The following KAZN variants were observed in gnomAD, a reference collection of about 807,000 sequenced individuals.
KAZN encodes kazrin, periplakin interacting protein, also known as kazrin.
Under a neutral mutation model 87.4 loss-of-function variants are expected in KAZN, and 40 were observed. The observed-to-expected ratio is 0.46, with a 90% confidence interval of 0.36 to 0.60. KAZN has a LOEUF of 0.60. Among genes scored for constraint, KAZN ranks in the 20% least tolerant of loss-of-function variants. The probability of loss-of-function intolerance (pLI) is 0.00; values close to 1 mark genes in which losing one functional copy is unlikely to be tolerated. For synonymous variants in KAZN, 466 were observed against 458.3 expected (o/e 1.02, Z -0.22); for missense variants, 898 against 1,073.9 (o/e 0.84, Z 2.29).
chr1:14,407,323 G>C (rs540668111), intron 2 of KAZN, among the ~76,000 whole-genome samples: 1 of 152,282 alleles, frequency 6.6e-6, no homozygotes, highest in South Asian at 2.1e-4. Flanking sequence ...GCTAAATTAT[G>C]TCCCAAAGTG....
rs972151119 is a variant in KAZN, at chr1:14,043,798, A to G, written c.92-136637A>G. On this transcript the variant is annotated intron_variant, in intron 1 of 16. Transcript: ENST00000636203. ...GTAACATATCCCCATGTTACATATG[A>G]AAAGCTGATGTCCAAAAAGGTTCAG... Among the ~76,000 whole-genome samples the G allele has an allele frequency of 2.5e-4, 38 of 152,170 alleles. 2 individuals are homozygous for G. The highest frequency in any genetic ancestry group is 2.9e-5 in the Non-Finnish European group (2 of 68,030).
At chr1:14,382,257 A>G (rs12088279) in intron 2 of KAZN, among the ~76,000 whole-genome samples, 2,580 of 152,324 alleles carry the variant, frequency 0.017, 70 homozygotes, top group African/African-American at 0.06. Flanking sequence ...TACAGATTTA[A>G]TGCAGTCCCT....
At chr1:14,087,401 A>C (rs1340514013) in intron 1 of KAZN, among the ~76,000 whole-genome samples, 1 of 152,172 alleles carries the variant, frequency 6.6e-6, no homozygotes, top group African/African-American at 2.4e-5. Context: ...TTTAGTCTAC[A>C]ATAAAAGCCA....
At chr1:13,956,789 G>A (rs1407804338) in intron 1 of KAZN, among the ~76,000 whole-genome samples, 1 of 152,150 alleles carries the variant, frequency 6.6e-6, no homozygotes, top group Non-Finnish European at 1.5e-5. Context: ...GAGAAGATGT[G>A]GGAAGAGATT....
intron 1 of KAZN, among the ~76,000 whole-genome samples, chr1:14,149,462 C>T (rs539628155): frequency 1.3e-5 from 2 of 152,098 alleles, no homozygotes; most frequent in Admixed American, 1.3e-4. Context: ...TCTTTCTGGA[C>T]ATGATCTTGC....
chr1:14,737,108 G>A (rs1643931946), intron 1 of KAZN, among the ~76,000 whole-genome samples: 1 of 152,186 alleles, frequency 6.6e-6, no homozygotes, highest in African/African-American at 2.4e-5. Context: ...CTTTAAGTTG[G>A]GAGATCAGGG....
chr1:14,676,747 G>A (rs1396566707), intron 1 of KAZN, among the ~76,000 whole-genome samples: 1 of 152,150 alleles, frequency 6.6e-6, no homozygotes, highest in East Asian at 1.9e-4. Flanking sequence ...TCCAGAACAG[G>A]CAAATCCATA....
chr1:14,195,823 G>A (rs1372591860), intron 2 of KAZN, among the ~76,000 whole-genome samples: 1 of 152,156 alleles, frequency 6.6e-6, no homozygotes, highest in East Asian at 1.9e-4. Context: ...TCGAAAGTAA[G>A]TGAGGCAAAA....
chr1:13,915,728 T>C (rs1285896364), intron 1 of KAZN, among the ~76,000 whole-genome samples: 2 of 151,516 alleles, frequency 1.3e-5, no homozygotes, highest in African/African-American at 4.9e-5. Flanking sequence ...TGCTATTCGC[T>C]TTTTAGCACT....
intron 1 of KAZN, among the ~76,000 whole-genome samples, chr1:14,763,241 C>T (rs1324101868): frequency 6.6e-6 from 1 of 152,230 alleles, no homozygotes; most frequent in African/African-American, 2.4e-5. Flanking sequence ...AGCAGTCGTA[C>T]CATACAGCAA....
At position 14,523,991 on chromosome 1, in the gene KAZN, CGTTTTGTTTTGTTTTGTTTT is replaced by C. The variant is rs57675147; in HGVS notation, c.250-74966_250-74947del. 7.8e-3 allele frequency among the ~76,000 whole-genome samples: 1,155 copies of C among 149,022 alleles called. 45 individuals carry two copies. Among genetic ancestry groups the C allele is most frequent in the Admixed American group, 0.068 (1,023 of 14,994 alleles). On this transcript the variant is annotated intron_variant, in intron 2 of 16. Transcript: ENST00000636203. ...CCACGTGGCTTAAAGGCGTGTCACTCGTTTTGTTTTGTTTTGTTTTGTTTTGTTTTGTTTTGTTTTGTTTT... is the reference window on the plus strand; with the variant it reads ...CCACGTGGCTTAAAGGCGTGTCACTCGTTTTGTTTTGTTTTGTTTTGTTTT...
At chr1:14,259,299 G>A (rs1193286406) in intron 2 of KAZN, among the ~76,000 whole-genome samples, 1 of 152,108 alleles carries the variant, frequency 6.6e-6, no homozygotes, top group Non-Finnish European at 1.5e-5. Flanking sequence ...TGAGGGCCAG[G>A]GCTTTCTGTA....
At position 14,599,777 on chromosome 1, in the gene KAZN, T is replaced by TG. The variant is rs1193528445; in HGVS notation, c.226+555dup. 2.6e-5 allele frequency among the ~76,000 whole-genome samples: 4 copies of TG among 152,176 alleles called. No individual in the cohort carries two copies. Among genetic ancestry groups the TG allele is most frequent in the African/African-American group, 9.7e-5 (4 of 41,438 alleles). Reference sequence around the variant, plus strand: ...TCTCTCAGGCATTGGAATCTATAGATGCAACAGTAGATGCTCAGCTCAGCA... The same window carrying TG: ...TCTCTCAGGCATTGGAATCTATAGATGGCAACAGTAGATGCTCAGCTCAGCA... On this transcript the variant is annotated intron_variant, in intron 1 of 14. Transcript: ENST00000376030. The surrounding 1 kb of genome is among the most constrained non-coding windows in gnomAD (Gnocchi z 4.4).
At chr1:14,156,511 G>C (rs892224014) in intron 1 of KAZN, among the ~76,000 whole-genome samples, 1 of 152,024 alleles carries the variant, frequency 6.6e-6, no homozygotes, top group Non-Finnish European at 1.5e-5. Flanking sequence ...TATATATCTG[G>C]GTCCTCCAGT....
intron 1 of KAZN, among the ~76,000 whole-genome samples, chr1:14,690,910 A>G (rs947071778): frequency 2.6e-5 from 4 of 152,082 alleles, no homozygotes; most frequent in African/African-American, 9.7e-5. Context: ...CTCCTGATCC[A>G]TTCTTATTCT....
At chr1:14,911,930 T>C (rs1217065276) in intron 1 of KAZN, among the ~76,000 whole-genome samples, 1 of 152,002 alleles carries the variant, frequency 6.6e-6, no homozygotes, top group Admixed American at 6.6e-5. Flanking sequence ...GGCAGGTAGA[T>C]CACCTGAGGT....
At chr1:14,696,003 T>C (rs1328946653) in intron 1 of KAZN, among the ~76,000 whole-genome samples, 1 of 152,220 alleles carries the variant, frequency 6.6e-6, no homozygotes, top group Non-Finnish European at 1.5e-5. Flanking sequence ...ACATGTTATA[T>C]ATAATTCAGT....
intron 1 of KAZN, among the ~76,000 whole-genome samples, chr1:14,869,551 G>A (rs1406385303): frequency 6.6e-6 from 1 of 152,178 alleles, no homozygotes; most frequent in East Asian, 1.9e-4. Flanking sequence ...CAGGACAGTA[G>A]GGCTGGCAGA....
At chr1:14,259,661 A>G (rs1331560529) in intron 2 of KAZN, among the ~76,000 whole-genome samples, 1 of 152,220 alleles carries the variant, frequency 6.6e-6, no homozygotes, top group Non-Finnish European at 1.5e-5. Context: ...AACCCCGGAC[A>G]TGAGACAAAC....
Sources: gnomAD v4.1 joint callset for allele counts (sites outside exome capture counted in the v4.1 genomes callset) on GRCh38, gnomAD v4.1.1 for gene constraint, Gnocchi (gnomAD v3.1) non-coding constraint, MANE v1.5 for transcripts, NCBI Gene and HGNC (gene_info 2026-07-23, HGNC 2026-07-21) for gene names.